ATP13A2: variants seen among roughly 807,000 people sequenced by gnomAD.
ATP13A2 encodes ATPase cation transporting 13A2.
In ATP13A2, 83 loss-of-function variants were observed where a neutral mutation model predicts 138.3. The observed-to-expected ratio is 0.60, with a 90% CI of 0.50 to 0.72. The LOEUF (loss-of-function observed/expected upper bound fraction) is 0.72. ATP13A2 is among the 30% of genes least tolerant of loss of function. The pLI, the probability that ATP13A2 is intolerant of heterozygous loss-of-function variation, is 0.00. For synonymous variants in ATP13A2, 663 were observed against 699.0 expected, an observed-to-expected ratio of 0.95 and a Z score of 0.81; for missense variants, 1,402 against 1,606.4, an observed-to-expected ratio of 0.87 and a Z score of 2.17.
At position 17,002,110 on chromosome 1, in the gene ATP13A2, G is replaced by A. The variant is rs762753391; in HGVS notation, c.636-7C>T. ...GGGGCCGTAAATGGCCTTCCTGGAA[G>A]AGGGGATGAGGCCAAGCCATCAGAA... On this transcript the variant is annotated splice_region_variant and splice_polypyrimidine_tract_variant and intron_variant, in intron 7 of 28. Transcript: ENST00000326735. 2 of 1,612,998 alleles carry A rather than the reference G, an allele frequency of 1.2e-6. No homozygotes were observed. The highest frequency in any genetic ancestry group is 2.2e-5 in the South Asian group (2 of 90,846).
In ATP13A2 at chr1:16,997,136, C is replaced by T. The variant is rs566918264; in HGVS notation, c.1079G>A (p.Gly360Glu). Residue 360 changes from glycine to glutamate, a missense_variant, in exon 12 of 29, where the codon GGG (glycine) becomes GAG (glutamate). Physicochemically the swap from Gly to Glu is moderately conservative, Grantham distance 98 (BLOSUM62 -2). Transcript: ENST00000326735. ...IPVLKTALPEGLGPYCAETHR... is the reference protein window; with the variant it reads ...IPVLKTALPEELGPYCAETHR... ...TGTCTCTGCACAGTAGGGCCCCAGCCCCTCCGGCAGTGCCGTCTTCAGCAC... is the reference window on the plus strand; with the variant it reads ...TGTCTCTGCACAGTAGGGCCCCAGCTCCTCCGGCAGTGCCGTCTTCAGCAC... The T allele has an allele frequency of 4.5e-5, 73 of 1,613,742 alleles. No individual in the cohort carries two copies. In the East Asian group the frequency reaches 1.4e-3, roughly 32 times the overall value.
intron 1 of ATP13A2, among the ~76,000 whole-genome samples, chr1:17,010,275 C>T (rs908927116): frequency 2.0e-4 from 30 of 152,156 alleles, no homozygotes; most frequent in East Asian, 1.4e-3. Context: ...ACGGGGTTTC[C>T]CCATGTTGGC....
Position 16,997,015 on chromosome 1 carries a change from C to T in ATP13A2, c.1195+5G>A, listed in dbSNP as rs751551929. Reference sequence around the variant, plus strand: ...CTCTCTCAAGCCCAGCCTCCCGGCTCATACCTGTGCGGGTCACCACTGCCA... The same window carrying T: ...CTCTCTCAAGCCCAGCCTCCCGGCTTATACCTGTGCGGGTCACCACTGCCA... On this transcript the variant is annotated splice_donor_5th_base_variant and intron_variant, in intron 12 of 28. Transcript: ENST00000326735. 42 of 1,611,538 alleles carry T rather than the reference C, an allele frequency of 2.6e-5. No homozygotes were observed. In the East Asian group the frequency reaches 8.9e-4, roughly 34 times the overall value.
intron 8 of ATP13A2, 75 bp downstream of exon 8, chr1:17,001,959 A>G: frequency 1.3e-6 from 2 of 1,486,918 alleles, no homozygotes; most frequent in Non-Finnish European, 1.8e-6. Context: ...AAAGTGGCCC[A>G]GAGGAGGCAA....
At position 16,993,785 on chromosome 1, in the gene ATP13A2, CA is replaced by C; in HGVS notation, c.1592del (p.Leu531ArgfsTer45). On this transcript the variant is annotated frameshift_variant, in exon 16 of 29. Transcript: ENST00000326735. LOFTEE classifies it high-confidence loss of function. ...CCAGGGGCAGGAATGCCTGCCCCTTCAGGGGCACCACCCCCATCACGTCTAA... is the reference window on the plus strand; with the variant it reads ...CCAGGGGCAGGAATGCCTGCCCCTTCGGGGCACCACCCCCATCACGTCTAA... ...DGLDVMGVVP[L>X]KGQAFLPLVP... is the part of the protein sequence containing the mutation. The C allele has an allele frequency of 6.3e-7, 1 of 1,585,508 alleles. No individual in the cohort carries two copies. Among genetic ancestry groups the C allele is most frequent in the Non-Finnish European group, 8.6e-7 (1 of 1,166,580 alleles).
At chr1:17,003,318 G>T (rs751684947) in intron 6 of ATP13A2, among the ~76,000 whole-genome samples, 10 of 152,110 alleles carry the variant, frequency 6.6e-5, no homozygotes, top group Non-Finnish European at 1.0e-4. Flanking sequence ...AGCACTTTGG[G>T]AGGCTGAGGC....
In ATP13A2 at chr1:16,995,046, G is replaced by A. The variant is rs746773654; in HGVS notation, c.1542+930C>T. Among the ~76,000 whole-genome samples the A allele has an allele frequency of 3.3e-5, 5 of 152,116 alleles. No homozygotes were observed. Among genetic ancestry groups the A allele is most frequent in the African/African-American group, 7.2e-5 (3 of 41,400 alleles). ...CTGTCAACCAGGCCACTGCCTACCC[G>A]GCCCTGTCCTGCTCCACCACTCCCT... On this transcript the variant is annotated intron_variant, in intron 15 of 28. Coordinates refer to ENST00000326735, the MANE Select transcript of ATP13A2 (RefSeq NM_022089.4). This position sits in a 1 kb window ranked among gnomAD's most constrained non-coding sequence, Gnocchi z 4.1.
In ATP13A2 at chr1:16,998,056, G is replaced by A. The variant is rs1314194607; in HGVS notation, c.1040-881C>T. 2.0e-5 allele frequency among the ~76,000 whole-genome samples: 3 copies of A among 152,202 alleles called. No individual in the cohort carries two copies. The East Asian group carries it at 5.8e-4, about 29-fold the overall frequency. On this transcript the variant is annotated intron_variant, in intron 11 of 28. Transcript: ENST00000326735. The stretch of plus-strand genomic sequence containing the variant: ...AATGCCTGCAGGCTGGGACTATTGA[G>A]CACCTACTGTGTGCACATTCCTGCA...
rs999191592 is a variant in ATP13A2 at position 17,005,154 on chromosome 1, T to C, written c.289-82A>G. Reference sequence around the variant, plus strand: ...TGTCCTACAGCCAGGCGGCCCCTGCTGGAGAAGGCAGAAATCAAGGCTATG... The same window carrying C: ...TGTCCTACAGCCAGGCGGCCCCTGCCGGAGAAGGCAGAAATCAAGGCTATG... On this transcript the variant is annotated intron_variant, in intron 3 of 28. Coordinates refer to ENST00000326735, the MANE Select transcript of ATP13A2 (RefSeq NM_022089.4). 14 of 1,583,880 alleles carry C rather than the reference T, an allele frequency of 8.8e-6. No individual in the cohort carries two copies. The South Asian group carries it at 8.9e-5, about 10-fold the overall frequency.
In ATP13A2 at chr1:16,987,184, C is replaced by T. The variant is rs1487644549; in HGVS notation, c.2945G>A (p.Gly982Glu). Residue 982 changes from glycine (G) to glutamate (E), a missense_variant, in exon 26 of 29, where the codon GGG becomes GAG. Physicochemically the swap from Gly to Glu is moderately conservative, Grantham distance 98. Transcript: ENST00000326735. ...CACCCGTCCCAGGACCAGCGCTGGC[C>T]CCGTGCGGCTCATGAGCACTGCCAC... The part of the protein sequence containing the change: ...TTVAVLMSRT[G>E]PALVLGRVRP... 1.9e-6 allele frequency: 3 copies of T among 1,613,696 alleles called. No individual in the cohort carries two copies.
chr1:17,002,130 T>C (rs759609182), intron 7 of ATP13A2, 27 bp from the exon 8 acceptor site: 1 of 1,609,894 alleles, frequency 6.2e-7, no homozygotes, highest in Non-Finnish European at 8.5e-7. Flanking sequence ...GGCCAAGCCA[T>C]CAGAAGGAGG....
chr1:17,004,711 T>G lies in ATP13A2; in HGVS notation c.458A>C (p.Glu153Ala). 6.2e-7 allele frequency: 1 copy of G among 1,614,094 alleles called. No individual in the cohort carries two copies. The highest frequency in any genetic ancestry group is 2.2e-5 in the East Asian group (1 of 44,878). The change falls in exon 5 of 29, where the codon GAG (glutamate) becomes GCG (alanine). Residue 153 changes from glutamate to alanine, a missense_variant. Transcript: ENST00000326735. This position sits in a 1 kb window ranked among gnomAD's most constrained non-coding sequence, Gnocchi z 4.1. ...KDTAQLHKSE[E>A]AVSVGQKRVL... ...ACCCACCTGTCCGACACTCACCGCC[T>G]CCTCGCTCTTGTGGAGCTGGGCCGT... is the stretch of plus-strand genomic sequence containing the variant.
rs1230454533 is a variant in ATP13A2 at position 16,992,311 on chromosome 1, G to A, written c.1937C>T (p.Ala646Val). 1 of 1,612,476 alleles carries A rather than the reference G, an allele frequency of 6.2e-7. No individual in the cohort carries two copies. Among genetic ancestry groups the A allele is most frequent in the Non-Finnish European group, 8.5e-7 (1 of 1,179,782 alleles). Residue 646 changes from alanine to valine, a missense_variant, in exon 18 of 29, where the codon GCC becomes GTC. Transcript: ENST00000326735. ...RMSVVVAWPG[A>V]TQPEAYVKGS... The stretch of plus-strand genomic sequence containing the variant: ...TTTGACGTAGGCCTCGGGCTGAGTG[G>A]CCCCTGGCCACGCCACCACCACACT...
At chr1:17,003,656 GTTTCTT>G (rs1280116323) in intron 6 of ATP13A2, among the ~76,000 whole-genome samples, 1 of 118,756 alleles carries the variant, frequency 8.4e-6, no homozygotes, top group African/African-American at 3.2e-5. Context: ...GTGAGCTTGT[GTTTCTT>G]TTTCTTTTTT....
chr1:17,004,992 A>T lies in ATP13A2; in HGVS notation c.347+22T>A, dbSNP rs541236747. The T allele has an allele frequency of 1.2e-6, 2 of 1,613,522 alleles. No individual in the cohort carries two copies. Among genetic ancestry groups the T allele is most frequent in the South Asian group, 2.2e-5 (2 of 91,046 alleles). ...GCCAGGGTAGCAGGGGCTTCTGGGA[A>T]GGGGCAATGGGGCTGCCTCACCTGC... On this transcript the variant is annotated intron_variant, in intron 4 of 28. Transcript: ENST00000326735. The surrounding 1 kb of genome is among the most constrained non-coding windows in gnomAD (Gnocchi z 4.1).
Position 17,000,248 on chromosome 1 carries a change from C to G in ATP13A2, c.905G>C (p.Gly302Ala). The change falls in exon 10 of 29, where the codon GGA becomes GCA. Residue 302 changes from glycine to alanine, a missense_variant and splice_region_variant. Physicochemically the swap from Gly to Ala is moderately conservative, Grantham distance 60 (BLOSUM62 0). Coordinates refer to ENST00000326735, the MANE Select transcript of ATP13A2 (RefSeq NM_022089.4). Reference sequence around the variant, plus strand: ...CCCCCTGGGCCCTAGCTCCTCACCTCCCCCTGGCCGGCACACGCACACCCG... The same window carrying G: ...CCCCCTGGGCCCTAGCTCCTCACCTGCCCCTGGCCGGCACACGCACACCCG... ...SMRVCVCRPG[G>A]EEEWVDSSEL... 2 of 1,564,488 alleles carry G rather than the reference C, an allele frequency of 1.3e-6. No homozygotes were observed. Among genetic ancestry groups the G allele is most frequent in the Non-Finnish European group, 1.7e-6 (2 of 1,154,220 alleles).
At position 16,995,828 on chromosome 1, in the gene ATP13A2, G is replaced by C. The variant is rs1255132675; in HGVS notation, c.1542+148C>G. 3.2e-6 allele frequency: 3 copies of C among 937,424 alleles called. No individual in the cohort carries two copies. Among genetic ancestry groups the C allele is most frequent in the Non-Finnish European group, 5.0e-6 (3 of 599,746 alleles). The allele number at this position is 937,424 out of a possible 1,614,324, so 58.1% of individuals were successfully genotyped here. ...GTGAGCCCAGTGAGGGCAGGAGTGG[G>C]ATGGGGTGGATCCTCTGGGGGTTTC... On this transcript the variant is annotated intron_variant, in intron 15 of 28. Coordinates refer to ENST00000326735, the MANE Select transcript of ATP13A2 (RefSeq NM_022089.4). The surrounding 1 kb of genome is among the most constrained non-coding windows in gnomAD (Gnocchi z 4.1).
intron 25 of ATP13A2, 144 bp downstream of exon 25, chr1:16,987,994 C>G (rs575244133): frequency 3.6e-6 from 3 of 822,196 alleles, no homozygotes; most frequent in Non-Finnish European, 6.2e-6. Flanking sequence ...CTTGCCACCT[C>G]TCCAACCACA....
intron 20 of ATP13A2, among the ~76,000 whole-genome samples, chr1:16,991,023 C>T (rs1333922614): frequency 1.3e-5 from 2 of 151,874 alleles, no homozygotes; most frequent in Admixed American, 1.3e-4. Context: ...GATCTCAGCT[C>T]ACTGCAACCT....
Sources: gnomAD v4.1 joint callset for allele counts (sites outside exome capture counted in the v4.1 genomes callset) on GRCh38, gnomAD v4.1.1 for gene constraint, Gnocchi (gnomAD v3.1) non-coding constraint, MANE v1.5 for transcripts, NCBI Gene and HGNC (gene_info 2026-07-23, HGNC 2026-07-21) for gene names.